Variants in KCTD18 observed in about 807,000 individuals in gnomAD.
KCTD18 encodes potassium channel tetramerization domain containing 18.
Under a neutral mutation model 30.4 loss-of-function variants are expected in KCTD18, and 22 were observed. The ratio of observed to expected loss-of-function variants is 0.72; its 90% CI spans 0.52 to 1.03. The LOEUF (loss-of-function observed/expected upper bound fraction) is 1.03, where lower values mean the gene tolerates loss of function less well. KCTD18 is among the 50% of genes least tolerant of loss of function. The probability of loss-of-function intolerance (pLI) is 0.00; values close to 1 mark genes in which losing one functional copy is unlikely to be tolerated. For synonymous variants in KCTD18, 186 were observed against 209.0 expected (o/e 0.89, Z 0.95); for missense variants, 529 against 547.6 (o/e 0.97, Z 0.34).
rs1002499978 is a variant in KCTD18 at position 200,495,300 on chromosome 2, G to T, written c.662-2026C>A. On this transcript the variant is annotated intron_variant, in intron 5 of 6. Coordinates refer to ENST00000359878, the MANE Select transcript of KCTD18 (RefSeq NM_152387.4). Reference sequence around the variant, plus strand: ...AAAGTTATTTAAAATAACTTTAATCGCTTTATTATATTCCATTCTGTGGAT... The same window carrying T: ...AAAGTTATTTAAAATAACTTTAATCTCTTTATTATATTCCATTCTGTGGAT... Among the ~76,000 whole-genome samples the T allele has an allele frequency of 3.3e-5, 5 of 151,946 alleles. 1 individual carries two copies. The highest frequency in any genetic ancestry group is 1.2e-4 in the African/African-American group (5 of 41,374).
chr2:200,493,800 C>T (rs1186496463), intron 5 of KCTD18, among the ~76,000 whole-genome samples: 2 of 152,098 alleles, frequency 1.3e-5, no homozygotes. Context: ...TCCCAGTAGT[C>T]GTAGGGAGCA....
Position 200,493,208 on chromosome 2 carries a change from A to G in KCTD18, c.728T>C (p.Leu243Pro), listed in dbSNP as rs2087947321. 1.9e-6 allele frequency: 3 copies of G among 1,613,374 alleles called. No individual in the cohort carries two copies. The highest frequency in any genetic ancestry group is 2.5e-6 in the Non-Finnish European group (3 of 1,179,380). ...ECWTLEERPL[L>P]GSLRHMAPIR... ...TGGAGCCATGTGACGCAGGCTTCCA[A>G]GTAAAGGCCGTTCTTCTAGAGTCCA... Residue 243 changes from leucine (L) to proline (P), a missense_variant, in exon 6 of 7, where the codon CTT (leucine) becomes CCT (proline). Physicochemically the swap from Leu to Pro is moderately conservative, Grantham distance 98. Coordinates refer to ENST00000359878, the MANE Select transcript of KCTD18 (RefSeq NM_152387.4).
chr2:200,493,257 C>T lies in KCTD18; in HGVS notation c.679G>A (p.Val227Met), dbSNP rs761208197. The change falls in exon 6 of 7, where the codon GTG becomes ATG. Residue 227 changes from valine to methionine, a missense_variant. Val to Met is a conservative substitution (Grantham distance 21). Transcript: ENST00000359878. ...CAACACTCTATCAGCTCATGAGGCACCCGCCAGTAGCTAACACCTGGAAGG... is the reference window on the plus strand; with the variant it reads ...CAACACTCTATCAGCTCATGAGGCATCCGCCAGTAGCTAACACCTGGAAGG... ...WEGKGVSYWR[V>M]PHELIECWTL... 2.5e-6 allele frequency: 4 copies of T among 1,608,012 alleles called. No individual in the cohort carries two copies. In the African/African-American group the frequency reaches 4.0e-5, roughly 16 times the overall value.
At position 200,498,961 on chromosome 2, in the gene KCTD18, T is replaced by C. The variant is rs201517493; in HGVS notation, c.496A>G (p.Lys166Glu). ...ESRIIGVYAT[K>E]TDGTDAIEKQ... ...TCAATAGCGTCTGTTCCATCAGTTT[T>C]TGTGGCATATACACCAATAATTCTA... The change falls in exon 4 of 7, where the codon AAA becomes GAA. Residue 166 changes from lysine (K) to glutamate (E), a missense_variant. Lys to Glu is a moderately conservative substitution (Grantham distance 56). Coordinates refer to ENST00000359878, the MANE Select transcript of KCTD18 (RefSeq NM_152387.4). The C allele has an allele frequency of 1.2e-6, 2 of 1,614,174 alleles. No individual in the cohort carries two copies. Among genetic ancestry groups the C allele is most frequent in the Non-Finnish European group, 1.7e-6 (2 of 1,180,004 alleles).
chr2:200,505,593 C>A (rs1437774280), intron 2 of KCTD18, among the ~76,000 whole-genome samples: 1 of 152,136 alleles, frequency 6.6e-6, no homozygotes, highest in Non-Finnish European at 1.5e-5. Context: ...GTAGAAACAG[C>A]AGTTTACCCC....
intron 6 of KCTD18, among the ~76,000 whole-genome samples, chr2:200,491,871 T>A (rs1290326838): frequency 6.6e-6 from 1 of 152,156 alleles, no homozygotes; most frequent in Non-Finnish European, 1.5e-5. Context: ...TTCTTGGAAA[T>A]GGGATCATAA....
chr2:200,503,112 C>T (rs1428790785), intron 3 of KCTD18, among the ~76,000 whole-genome samples: 5 of 151,972 alleles, frequency 3.3e-5, no homozygotes, highest in Non-Finnish European at 7.4e-5. Context: ...GGGTTTCACC[C>T]AGTGAAGCTG....
chr2:200,497,888 G>T, intron 4 of KCTD18, 41 bp from the exon 5 acceptor site: 1 of 1,327,570 alleles, frequency 7.5e-7, no homozygotes, highest in East Asian at 2.3e-5. Context: ...TACTACCTAG[G>T]TATGGATGTG....
chr2:200,502,785 C>T (rs2029939504), intron 3 of KCTD18, among the ~76,000 whole-genome samples: 1 of 152,090 alleles, frequency 6.6e-6, no homozygotes, highest in South Asian at 2.1e-4. Flanking sequence ...AACCCCAGCA[C>T]TTTGGGAGGC....
chr2:200,490,458 C>A lies in KCTD18; in HGVS notation c.923G>T (p.Gly308Val). 1 of 1,613,780 alleles carries A rather than the reference C, an allele frequency of 6.2e-7. No homozygotes were observed. The highest frequency in any genetic ancestry group is 8.5e-7 in the Non-Finnish European group (1 of 1,180,020). ...ACTTTGAAACCGGTTTGCTGTCGCCCCAGCCGACGTCTGGATGGCACTGGC... is the reference window on the plus strand; with the variant it reads ...ACTTTGAAACCGGTTTGCTGTCGCCACAGCCGACGTCTGGATGGCACTGGC... ...SPASAIQTSAGATANRFQSGS... is the reference protein window; with the variant it reads ...SPASAIQTSAVATANRFQSGS... The change falls in exon 7 of 7, where the codon GGG (glycine) becomes GTG (valine). Residue 308 changes from glycine to valine, a missense_variant. By Grantham distance (109) the Gly-to-Val change is moderately radical (BLOSUM62 -3). Transcript: ENST00000359878.
Position 200,509,949 on chromosome 2 carries a change from A to G in KCTD18, c.-397T>C, listed in dbSNP as rs905604563. On this transcript the variant is annotated 5_prime_UTR_variant, in exon 1 of 7. It removes an upstream start codon present in the reference 5' UTR. Transcript: ENST00000359878. ...CCGCCGCCTTCCGGGCCCGCGGCCC[A>G]TCCCGCGCCCGGCTCTTCCGCACCG... 1 of 150,762 alleles carries G rather than the reference A, an allele frequency of 6.6e-6. No homozygotes were observed. Among genetic ancestry groups the G allele is most frequent in the Non-Finnish European group, 1.5e-5 (1 of 67,596 alleles). 9.3% of individuals were successfully genotyped at this position (150,762 alleles called of 1,614,324 possible).
At position 200,509,977 on chromosome 2, in the gene KCTD18, G is replaced by T. The variant is rs983416484; in HGVS notation, c.-425C>A. 5 of 152,020 alleles carry T rather than the reference G, an allele frequency of 3.3e-5. No individual in the cohort carries two copies. Among genetic ancestry groups the T allele is most frequent in the East Asian group, 1.9e-4 (1 of 5,170 alleles). The allele number at this position is 152,020 out of a possible 1,614,324, so 9.4% of individuals were successfully genotyped here. ...CCGCGCCCGGCTCTTCCGCACCGGG[G>T]GGGTGGGGCGGGTCGGCAGCTTCCC... On this transcript the variant is annotated 5_prime_UTR_variant, in exon 1 of 7. Coordinates refer to ENST00000359878, the MANE Select transcript of KCTD18 (RefSeq NM_152387.4).
chr2:200,504,997 C>A (rs373735667), intron 2 of KCTD18, 38 bp from the exon 3 acceptor site: 29 of 1,513,120 alleles, frequency 1.9e-5, no homozygotes, highest in Non-Finnish European at 2.5e-5. Flanking sequence ...TATAGAGATT[C>A]TGTCGATCAA....
intron 4 of KCTD18, 64 bp from the exon 5 acceptor site, chr2:200,497,911 C>A: frequency 9.4e-7 from 1 of 1,062,364 alleles, no homozygotes; most frequent in South Asian, 1.3e-5. Context: ...TATATACATA[C>A]AGCTAATATA....
At chr2:200,504,982 A>G in intron 2 of KCTD18, 23 bp from the exon 3 acceptor site, 1 of 1,571,230 alleles carries the variant, frequency 6.4e-7, no homozygotes, top group African/African-American at 1.4e-5. Context: ...CAGTTCAAAA[A>G]TGATTATAGA....
chr2:200,504,830 A>C lies in KCTD18; in HGVS notation c.290T>G (p.Ile97Ser), dbSNP rs1185392292. Residue 97 changes from isoleucine (I) to serine (S), a missense_variant, in exon 3 of 7, where the codon ATC becomes AGC. Physicochemically the swap from Ile to Ser is moderately radical, Grantham distance 142. Transcript: ENST00000359878. ...ALQEEADYFG[I>S]PYPYSLSDHL... ...GTCAGACAGGCTGTATGGATAAGGG[A>C]TGCCAAAGTAATCAGCCTCTTCCTG... 1.2e-6 allele frequency: 2 copies of C among 1,614,088 alleles called. No homozygotes were observed. The highest frequency in any genetic ancestry group is 3.3e-5 in the Admixed American group (2 of 60,004).
chr2:200,500,915 T>C (rs566676621), intron 3 of KCTD18, among the ~76,000 whole-genome samples: 2 of 152,148 alleles, frequency 1.3e-5, no homozygotes, highest in South Asian at 2.1e-4. Context: ...CAAAACAGCA[T>C]GGTACTGGTA....
chr2:200,509,814 C>A lies in KCTD18; in HGVS notation c.-262G>T, dbSNP rs746150506. 1 of 152,230 alleles carries A rather than the reference C, an allele frequency of 6.6e-6. No homozygotes were observed. Among genetic ancestry groups the A allele is most frequent in the Non-Finnish European group, 1.5e-5 (1 of 68,048 alleles). 9.4% of individuals were successfully genotyped at this position (152,230 alleles called of 1,614,324 possible). A position where few individuals can be genotyped will look rare whatever the true frequency, so the allele number is the denominator to read the frequency against. On this transcript the variant is annotated 5_prime_UTR_variant, in exon 1 of 7. Transcript: ENST00000359878. ...CGGGAGGAGCTGGGGAGCCAGAAAG[C>A]CCCGCCACGGTCTTCCGCGGCCTGG...
chr2:200,506,396 A>C (rs1553552268), intron 2 of KCTD18, among the ~76,000 whole-genome samples: 1 of 152,198 alleles, frequency 6.6e-6, no homozygotes, highest in Non-Finnish European at 1.5e-5. Flanking sequence ...CACATTGGAC[A>C]CACAGCAAGA....
Sources: gnomAD v4.1 joint callset for allele counts (sites outside exome capture counted in the v4.1 genomes callset) on GRCh38, gnomAD v4.1.1 for gene constraint, MANE v1.5 for transcripts, NCBI Gene and HGNC (gene_info 2026-07-23, HGNC 2026-07-21) for gene names.